EEF1AKMT2: variants seen among roughly 807,000 people sequenced by gnomAD.
EEF1AKMT2 encodes eukaryotic translation elongation factor 1 alpha lysine methyltransferase 2.
EEF1AKMT2 carries 32 observed loss-of-function variants against 35.8 expected under a neutral mutation model. The observed-to-expected ratio is 0.89, with a 90% CI of 0.67 to 1.20. EEF1AKMT2 has a LOEUF of 1.20. Ranked by LOEUF, EEF1AKMT2 falls within the 50% of genes most tolerant of loss-of-function variation. The pLI is 0.00. For missense variants in EEF1AKMT2, 330 were observed against 347.5 expected (o/e 0.95, Z 0.40); for synonymous variants, 121 against 133.7 (o/e 0.91, Z 0.65).
Position 124,758,360 on chromosome 10 carries a change from GT to G in EEF1AKMT2, c.*2142del, listed in dbSNP as rs1950303107. Reference sequence around the variant, plus strand: ...CCTGGTTTTTACAGTTTGGTATTATGTGAAAATACTAATTTCTTATTAGCAT... The same window carrying G: ...CCTGGTTTTTACAGTTTGGTATTATGGAAAATACTAATTTCTTATTAGCAT... On this transcript the variant is annotated 3_prime_UTR_variant, in exon 7 of 7. Transcript: ENST00000368836. 1 of 152,116 alleles carries G rather than the reference GT, an allele frequency of 6.6e-6. No individual in the cohort carries two copies. Among genetic ancestry groups the G allele is most frequent in the Admixed American group, 6.6e-5 (1 of 15,266 alleles). 9.4% of individuals were successfully genotyped at this position (152,116 alleles called of 1,614,324 possible).
chr10:124,790,169 A>C, intron 2 of EEF1AKMT2, 104 bp downstream of exon 2: 1 of 831,196 alleles, frequency 1.2e-6, no homozygotes, highest in Middle Eastern at 2.3e-4. Flanking sequence ...CTGGGATTAC[A>C]GGCGTAAGCC....
chr10:124,788,793 A>G (rs1950611031), intron 3 of EEF1AKMT2, among the ~76,000 whole-genome samples: 1 of 147,928 alleles, frequency 6.8e-6, no homozygotes, highest in East Asian at 2.0e-4. Flanking sequence ...CCCTTAGGAA[A>G]GAACAGAAGC....
intron 5 of EEF1AKMT2, 151 bp downstream of exon 5, chr10:124,765,241 A>T: frequency 1.5e-6 from 1 of 648,568 alleles, no homozygotes; most frequent in East Asian, 2.7e-5. Context: ...TATACAGTCA[A>T]AAGTTATTGT....
rs1057359417 is a variant in EEF1AKMT2, at chr10:124,771,609, C to T, written c.399+3066G>A. On this transcript the variant is annotated intron_variant, in intron 4 of 6. Coordinates refer to ENST00000368836, the MANE Select transcript of EEF1AKMT2 (RefSeq NM_212554.4). The stretch of plus-strand genomic sequence containing the variant: ...AATCGGCTGGGCATGGTGGCTCACG[C>T]CTGTAATCCCAGCACTTTGGGAGGC... 3.3e-5 allele frequency among the ~76,000 whole-genome samples: 5 copies of T among 152,132 alleles called. No homozygotes were observed. The East Asian group carries it at 7.8e-4, about 24-fold the overall frequency.
intron 3 of EEF1AKMT2, among the ~76,000 whole-genome samples, chr10:124,782,026 T>C (rs1461084541): frequency 6.6e-6 from 1 of 152,142 alleles, no homozygotes; most frequent in African/African-American, 2.4e-5. Flanking sequence ...TATTGTAATC[T>C]ACACAGGAAC....
chr10:124,767,699 T>C (rs1462616981), intron 4 of EEF1AKMT2, among the ~76,000 whole-genome samples: 2 of 151,792 alleles, frequency 1.3e-5, no homozygotes, highest in Admixed American at 6.6e-5. Context: ...GTAGAAACTT[T>C]TCTTGGCCAG....
chr10:124,789,195 G>A (rs1950613882), intron 2 of EEF1AKMT2, 38 bp from the exon 3 acceptor site: 2 of 1,391,522 alleles, frequency 1.4e-6, no homozygotes, highest in Non-Finnish European at 2.0e-6. Flanking sequence ...GAGGGATACA[G>A]AGCAAAAGTC....
At chr10:124,778,094 G>A (rs1950503751) in intron 3 of EEF1AKMT2, among the ~76,000 whole-genome samples, 2 of 151,998 alleles carry the variant, frequency 1.3e-5, no homozygotes, top group African/African-American at 4.8e-5. Flanking sequence ...GGGAGGCTGA[G>A]GCAGGAGAAT....
At position 124,763,290 on chromosome 10, in the gene EEF1AKMT2, A is replaced by T. The variant is rs534061088; in HGVS notation, c.617-732T>A. ...CCCTCACTAAAAAAATTATAACACA[A>T]AGTATTTGTACAATCAGGGGTATCA... On this transcript the variant is annotated intron_variant, in intron 5 of 6. Coordinates refer to ENST00000368836, the MANE Select transcript of EEF1AKMT2 (RefSeq NM_212554.4). 1.1e-4 allele frequency among the ~76,000 whole-genome samples: 17 copies of T among 152,330 alleles called. No homozygotes were observed. The South Asian group carries it at 2.9e-3, about 26-fold the overall frequency.
rs749815979 is a variant in EEF1AKMT2, at chr10:124,790,308, T to C, written c.141A>G (p.Gln47=). 3.1e-6 allele frequency: 5 copies of C among 1,612,964 alleles called. No homozygotes were observed. Among genetic ancestry groups the C allele is most frequent in the South Asian group, 1.1e-5 (1 of 91,064 alleles). Residue 47 remains glutamine (Q), a synonymous_variant, in exon 2 of 7, where the codon CAA becomes CAG. Coordinates refer to ENST00000368836, the MANE Select transcript of EEF1AKMT2 (RefSeq NM_212554.4). ...CTGTATCTCCATATTCTCGGAAAGTTTGCAGTTCTCTCTCATAGACAGCAT... is the reference window on the plus strand; with the variant it reads ...CTGTATCTCCATATTCTCGGAAAGTCTGCAGTTCTCTCTCATAGACAGCAT... ...HWDAVYEREL[Q]TFREYGDTGE...
At position 124,769,218 on chromosome 10, in the gene EEF1AKMT2, C is replaced by CA. The variant is rs1554917142; in HGVS notation, c.400-3611dup. Among the ~76,000 whole-genome samples the CA allele has an allele frequency of 1.8e-3, 56 of 31,296 alleles. 4 individuals carry two copies. The highest frequency in any genetic ancestry group is 5.3e-3 in the African/African-American group (45 of 8,534). The allele number at this position is 31,296 out of a possible 152,430, so 20.5% of individuals were successfully genotyped here. A position where few individuals can be genotyped will look rare whatever the true frequency, so the allele number is the denominator to read the frequency against. On this transcript the variant is annotated intron_variant, in intron 4 of 6. Transcript: ENST00000368836. Reference sequence around the variant, plus strand: ...GGGCTACAGGGCAAGACACTGTCTCCAAAAAAAAAAAAAAAATATATATAT... The same window carrying CA: ...GGGCTACAGGGCAAGACACTGTCTCCAAAAAAAAAAAAAAAAATATATATAT...
chr10:124,758,829 T>A lies in EEF1AKMT2; in HGVS notation c.*1674A>T, dbSNP rs1950307268. On this transcript the variant is annotated 3_prime_UTR_variant, in exon 7 of 7. Transcript: ENST00000368836. Reference sequence around the variant, plus strand: ...TCCTGTCTTGGTAAAATCAACACAATCTTCTAAAAAATTTAAATTGCATAT... The same window carrying A: ...TCCTGTCTTGGTAAAATCAACACAAACTTCTAAAAAATTTAAATTGCATAT... The A allele has an allele frequency of 6.6e-6, 1 of 152,312 alleles. No individual in the cohort carries two copies. Among genetic ancestry groups the A allele is most frequent in the Admixed American group, 6.5e-5 (1 of 15,300 alleles). 9.4% of individuals were successfully genotyped at this position (152,312 alleles called of 1,614,324 possible). A position where few individuals can be genotyped will look rare whatever the true frequency, so the allele number is the denominator to read the frequency against.
rs1025097843 is a variant in EEF1AKMT2, at chr10:124,762,378, A to T, written c.797T>A (p.Leu266His). 4 of 1,277,232 alleles carry T rather than the reference A, an allele frequency of 3.1e-6. No homozygotes were observed. In the African/African-American group the frequency reaches 6.1e-5, roughly 19 times the overall value. The allele number at this position is 1,277,232 out of a possible 1,614,324, so 79.1% of individuals were successfully genotyped here. ...GGTGGGAGAATCACTTGAGCCCAGG[A>T]GTTCCAGACCAGCCTGGACAACATG... ...FCHVVQAGLE[L>H]LGSSDSPTWP... The change falls in exon 6 of 7, where the codon CTC (leucine) becomes CAC (histidine). Residue 266 changes from leucine (L) to histidine (H), a missense_variant. By Grantham distance (99) the Leu-to-His change is moderately conservative (BLOSUM62 -3). Transcript: ENST00000368836.
At chr10:124,774,523 G>A (rs1261490730) in intron 4 of EEF1AKMT2, 152 bp downstream of exon 4, 4 of 385,108 alleles carry the variant, frequency 1.0e-5, no homozygotes, top group Non-Finnish European at 1.7e-5. Context: ...AAACCAACTA[G>A]ATTAAATTTT....
intron 3 of EEF1AKMT2, among the ~76,000 whole-genome samples, chr10:124,784,987 C>A (rs1950572304): frequency 1.3e-5 from 2 of 150,240 alleles, no homozygotes; most frequent in Non-Finnish European, 3.0e-5. Flanking sequence ...GGTGGCTCAC[C>A]CCTGCACCCC....
At chr10:124,772,420 C>CTTTTTT (rs59707540) in intron 4 of EEF1AKMT2, among the ~76,000 whole-genome samples, 397 of 75,454 alleles carry the variant, frequency 5.3e-3, no homozygotes, top group Middle Eastern at 0.014. Context: ...TTTTCTTTTT[C>CTTTTTT]TTTTTTTTTT....
At chr10:124,776,250 G>C (rs139142883) in intron 3 of EEF1AKMT2, among the ~76,000 whole-genome samples, 153 of 152,182 alleles carry the variant, frequency 1.0e-3, no homozygotes, top group African/African-American at 3.6e-3. Context: ...AGATGTTTTA[G>C]GTTTCTAGAG....
chr10:124,762,889 G>A (rs1040837173), intron 5 of EEF1AKMT2, among the ~76,000 whole-genome samples: 11 of 152,150 alleles, frequency 7.2e-5, no homozygotes, highest in African/African-American at 2.6e-4. Context: ...AAAATTTTCT[G>A]TCTGTATAAA....
At chr10:124,788,593 G>C (rs181057951) in intron 3 of EEF1AKMT2, among the ~76,000 whole-genome samples, 34 of 151,752 alleles carry the variant, frequency 2.2e-4, no homozygotes, top group African/African-American at 8.2e-4. Context: ...TGATGGTTTA[G>C]CTAGCAGTGG....
Sources: allele counts gnomAD v4.1 joint callset (sites outside exome capture counted in the v4.1 genomes callset), GRCh38; gene constraint gnomAD v4.1.1; transcripts MANE v1.5; gene names NCBI Gene and HGNC (gene_info 2026-07-23, HGNC 2026-07-21).